The following ATP6V1C2 variants were observed in gnomAD, a reference collection of about 807,000 sequenced individuals.
ATP6V1C2 encodes V-type proton ATPase subunit C 2.
In ATP6V1C2, 45 loss-of-function variants were observed where a neutral mutation model predicts 56.8. That is an observed-to-expected ratio of 0.79 (90% CI 0.62 to 1.02). The LOEUF is 1.02. Ranked by LOEUF, ATP6V1C2 falls within the 50% of genes least tolerant of loss-of-function variation. The pLI is 0.00. For missense variants in ATP6V1C2, 463 were observed against 519.7 expected (o/e 0.89, Z 1.06); for synonymous variants, 220 against 201.3 (o/e 1.09, Z -0.79).
intron 3 of ATP6V1C2, among the ~76,000 whole-genome samples, chr2:10,747,472 T>C (rs1035153676): frequency 1.1e-4 from 16 of 152,182 alleles, no homozygotes; most frequent in African/African-American, 3.9e-4. Flanking sequence ...AAGGACATCC[T>C]CTTATATAAC....
rs1425999546 is a variant in ATP6V1C2 at position 10,775,001 on chromosome 2, A to G, written c.755A>G (p.Tyr252Cys). 3 of 1,614,140 alleles carry G rather than the reference A, an allele frequency of 1.9e-6. No homozygotes were observed. The highest frequency in any genetic ancestry group is 8.5e-7 in the Non-Finnish European group (1 of 1,179,996). Residue 252 changes from tyrosine to cysteine, a missense_variant, in exon 10 of 14, where the codon TAT becomes TGT. Coordinates refer to ENST00000272238, the MANE Select transcript of ATP6V1C2 (RefSeq NM_001039362.2). The part of the protein sequence containing the change: ...ENKFTVREFY[Y>C]DEKEIERERE... The stretch of plus-strand genomic sequence containing the variant: ...AGGTTCACTGTTCGTGAATTTTACT[A>G]TGATGAGAAGGAAATTGAAAGGGAA...
rs976882981 is a variant in ATP6V1C2, at chr2:10,783,316, TCTTTC to T, written c.*58_*62del. 9.1e-5 allele frequency: 112 copies of T among 1,232,388 alleles called. No individual in the cohort carries two copies. In the African/African-American group the frequency reaches 1.3e-3, roughly 14 times the overall value. The allele number at this position is 1,232,388 out of a possible 1,614,324, so 76.3% of individuals were successfully genotyped here. A position where few individuals can be genotyped will look rare whatever the true frequency, so the allele number is the denominator to read the frequency against. On this transcript the variant is annotated 3_prime_UTR_variant, in exon 14 of 14. Coordinates refer to ENST00000272238, the MANE Select transcript of ATP6V1C2 (RefSeq NM_001039362.2). ...GTTCGTGCAGATTATTACAGACACC[TCTTTC>T]CTTTAGCCAGAGAATGGTTCAAATG...
At chr2:10,773,505 C>T (rs945190755) in intron 8 of ATP6V1C2, among the ~76,000 whole-genome samples, 1 of 152,184 alleles carries the variant, frequency 6.6e-6, no homozygotes, top group Non-Finnish European at 1.5e-5. Context: ...ACCTCAGCCT[C>T]TCAAGTAGCT....
At chr2:10,759,237 G>A (rs1027828132) in intron 4 of ATP6V1C2, among the ~76,000 whole-genome samples, 2 of 152,194 alleles carry the variant, frequency 1.3e-5, no homozygotes, top group African/African-American at 2.4e-5. Flanking sequence ...CGTCAGGACC[G>A]GTTGTTTCTG....
chr2:10,761,807 A>G (rs947970807), intron 4 of ATP6V1C2, among the ~76,000 whole-genome samples: 8 of 152,198 alleles, frequency 5.3e-5, no homozygotes, highest in African/African-American at 1.9e-4. Flanking sequence ...AGTGCCTCAG[A>G]GGTACTCTCG....
At chr2:10,751,975 C>T (rs990367447) in intron 3 of ATP6V1C2, among the ~76,000 whole-genome samples, 2 of 151,914 alleles carry the variant, frequency 1.3e-5, no homozygotes, top group Non-Finnish European at 2.9e-5. Flanking sequence ...TGGAGGATCA[C>T]CTGAGTCTGG....
intron 12 of ATP6V1C2, 93 bp from the exon 13 acceptor site, chr2:10,782,150 T>C: frequency 6.8e-7 from 1 of 1,471,132 alleles, no homozygotes; most frequent in Non-Finnish European, 9.3e-7. Flanking sequence ...GTTGAAGCTT[T>C]TCACCCTCGG....
chr2:10,724,752 A>G (rs1027078791), intron 2 of ATP6V1C2, among the ~76,000 whole-genome samples: 2 of 151,016 alleles, frequency 1.3e-5, no homozygotes, highest in East Asian at 3.9e-4. Flanking sequence ...GGCTCACTGC[A>G]ACCTCCGCCT....
chr2:10,762,560 T>G (rs1663976604), intron 4 of ATP6V1C2, among the ~76,000 whole-genome samples: 1 of 152,174 alleles, frequency 6.6e-6, no homozygotes, highest in African/African-American at 2.4e-5. Context: ...AGGCCTTTCC[T>G]TCGTCTCACG....
chr2:10,772,301 T>C (rs1176077996), intron 7 of ATP6V1C2, among the ~76,000 whole-genome samples: 1 of 152,168 alleles, frequency 6.6e-6, no homozygotes. Flanking sequence ...TAGATGGTTA[T>C]TAGCGAGCCC....
At chr2:10,733,655 T>C (rs111409736) in intron 3 of ATP6V1C2, among the ~76,000 whole-genome samples, 2,057 of 151,908 alleles carry the variant, frequency 0.014, 43 homozygotes, top group African/African-American at 0.047. Context: ...AAAACCTCTC[T>C]CCCTGTTTTA....
In ATP6V1C2 at chr2:10,754,097, C is replaced by A. The variant is rs746859691; in HGVS notation, c.283+31C>A. On this transcript the variant is annotated intron_variant, in intron 4 of 13. Coordinates refer to ENST00000272238, the MANE Select transcript of ATP6V1C2 (RefSeq NM_001039362.2). ...TAGGGCGGCCCTCTGATGTGGAGCACAATCTCCCCGCTCCCTCTAGACCAG... is the reference window on the plus strand; with the variant it reads ...TAGGGCGGCCCTCTGATGTGGAGCAAAATCTCCCCGCTCCCTCTAGACCAG... The A allele has an allele frequency of 3.9e-6, 6 of 1,552,218 alleles. No homozygotes were observed. In the South Asian group the frequency reaches 5.8e-5, roughly 15 times the overall value.
At chr2:10,745,417 C>G (rs909733119) in intron 3 of ATP6V1C2, among the ~76,000 whole-genome samples, 1 of 150,608 alleles carries the variant, frequency 6.6e-6, no homozygotes, top group Admixed American at 6.6e-5. Context: ...TGCAGTGGCA[C>G]CATCTCAACT....
rs746491327 is a variant in ATP6V1C2, at chr2:10,774,828, ACT to A, written c.682_683del (p.Leu228ValfsTer6). 7 of 1,613,994 alleles carry A rather than the reference ACT, an allele frequency of 4.3e-6. No individual in the cohort carries two copies. The highest frequency in any genetic ancestry group is 1.7e-5 in the Admixed American group (1 of 59,998). Reference protein sequence around the residue: ...EDKEGGLFTVTLFRKVIEDFK... With the variant: ...EDKEGGLFTVXLFRKVIEDFK... The stretch of plus-strand genomic sequence containing the variant: ...CAAGGAAGGGGGCCTTTTCACTGTG[ACT>A]CTGTTTCGAAAAGTGATTGAAGATT... On this transcript the variant is annotated frameshift_variant, in exon 9 of 14. Coordinates refer to ENST00000272238, the MANE Select transcript of ATP6V1C2 (RefSeq NM_001039362.2). LOFTEE classifies it high-confidence loss of function.
intron 3 of ATP6V1C2, among the ~76,000 whole-genome samples, chr2:10,752,967 G>T (rs1015234732): frequency 2.0e-5 from 3 of 152,130 alleles, no homozygotes; most frequent in Admixed American, 2.0e-4. Context: ...CTACACTCCA[G>T]CCTGGGTGAC....
rs896391425 is a variant in ATP6V1C2, at chr2:10,763,307, C to T, written c.284-1024C>T. On this transcript the variant is annotated intron_variant, in intron 4 of 13. Transcript: ENST00000272238. The surrounding 1 kb of genome is among the most constrained non-coding windows in gnomAD (Gnocchi z 4.2). The stretch of plus-strand genomic sequence containing the variant: ...TCCACGTGAATACCATGTCTGTGTC[C>T]CAGTGAAGGGACACGATCCTCCCTA... Among the ~76,000 whole-genome samples the T allele has an allele frequency of 1.3e-5, 2 of 152,112 alleles. No individual in the cohort carries two copies. The highest frequency in any genetic ancestry group is 2.9e-5 in the Non-Finnish European group (2 of 68,010).
chr2:10,742,459 A>G (rs1243614422), intron 3 of ATP6V1C2, among the ~76,000 whole-genome samples: 2 of 152,136 alleles, frequency 1.3e-5, no homozygotes, highest in East Asian at 1.9e-4. Context: ...TCTTAAGGCT[A>G]CATAAGAATC....
chr2:10,769,714 C>G lies in ATP6V1C2; in HGVS notation c.470+904C>G, dbSNP rs1664462564. Reference sequence around the variant, plus strand: ...AGACTCTGCCTCAAAAACAAACAAACAAACAAAAAAAACAGGGAGAGAGAG... The same window carrying G: ...AGACTCTGCCTCAAAAACAAACAAAGAAACAAAAAAAACAGGGAGAGAGAG... On this transcript the variant is annotated intron_variant, in intron 6 of 13. Transcript: ENST00000272238. Among the ~76,000 whole-genome samples, 4 of 151,284 alleles carry G rather than the reference C, an allele frequency of 2.6e-5. No homozygotes were observed. The South Asian group carries it at 8.4e-4, about 32-fold the overall frequency.
intron 3 of ATP6V1C2, among the ~76,000 whole-genome samples, chr2:10,742,819 C>T (rs1029676104): frequency 2.0e-5 from 3 of 152,176 alleles, no homozygotes; most frequent in Admixed American, 6.5e-5. Context: ...AGGGCACGTT[C>T]GGTACAGACC....
Sources: allele counts gnomAD v4.1 joint callset (sites outside exome capture counted in the v4.1 genomes callset), GRCh38; gene constraint gnomAD v4.1.1; non-coding constraint Gnocchi (gnomAD v3.1); transcripts MANE v1.5; gene names NCBI Gene and HGNC (gene_info 2026-07-23, HGNC 2026-07-21).